PER2: variants seen among roughly 807,000 people sequenced by gnomAD.
PER2 encodes period circadian regulator 2.
In PER2, 66 loss-of-function variants were observed where a neutral mutation model predicts 121.0. The ratio of observed to expected loss-of-function variants is 0.55; its 90% CI spans 0.45 to 0.67. The LOEUF (loss-of-function observed/expected upper bound fraction) is 0.67. PER2 is among the 30% of genes least tolerant of loss of function. The probability of loss-of-function intolerance (pLI) is 0.00; values close to 1 mark genes in which losing one functional copy is unlikely to be tolerated. For synonymous variants in PER2, 684 were observed against 659.9 expected (o/e 1.04, Z -0.56); for missense variants, 1,521 against 1,635.0 (o/e 0.93, Z 1.20).
intron 9 of PER2, among the ~76,000 whole-genome samples, chr2:238,264,150 C>T (rs956022800): frequency 3.9e-5 from 6 of 152,174 alleles, no homozygotes; most frequent in African/African-American, 1.4e-4. Flanking sequence ...AACCTGTCTG[C>T]CAACCTCCCT....
intron 3 of PER2, among the ~76,000 whole-genome samples, chr2:238,276,173 C>T (rs990655558): frequency 2.0e-5 from 3 of 151,642 alleles, no homozygotes; most frequent in African/African-American, 2.4e-5. Flanking sequence ...TTCTCAGCCT[C>T]GGCTCTAGAG....
At chr2:238,293,849 A>G (rs772448579), upstream of PER2, among the ~76,000 whole-genome samples, 1 of 152,080 alleles carries the variant, frequency 6.6e-6, no homozygotes, top group African/African-American at 2.4e-5. Context: ...GTGATGCTGT[A>G]TGGCGCTCCT....
Position 238,282,333 on chromosome 2 carries a change from G to A in PER2, c.-19-4378C>T, listed in dbSNP as rs184255856. ...GCTCCTTCTCTGTGCCTCCACCGCC[G>A]CTCTGTGGGCTTTCCTCGCCAGCAC... On this transcript the variant is annotated intron_variant, in intron 1 of 22. Coordinates refer to ENST00000254657, the MANE Select transcript of PER2 (RefSeq NM_022817.3). 2.9e-3 allele frequency among the ~76,000 whole-genome samples: 440 copies of A among 152,286 alleles called. 3 individuals are homozygous for A. The highest frequency in any genetic ancestry group is 2.7e-3 in the Non-Finnish European group (186 of 68,016).
intron 22 of PER2, chr2:238,247,168 C>T (rs1372624540): frequency 6.6e-6 from 1 of 152,368 alleles, no homozygotes; most frequent in Non-Finnish European, 1.5e-5. Flanking sequence ...TCTCCTTAAA[C>T]CTTGGCTGGA....
chr2:238,284,291 A>T (rs764821250), intron 1 of PER2, among the ~76,000 whole-genome samples: 11 of 151,910 alleles, frequency 7.2e-5, no homozygotes, highest in Non-Finnish European at 1.2e-4. Context: ...AAAATACAAA[A>T]ATTAGCCAGG....
chr2:238,262,832 C>T (rs1453724370), intron 10 of PER2, 120 bp downstream of exon 10: 2 of 743,462 alleles, frequency 2.7e-6, no homozygotes, highest in Non-Finnish European at 4.8e-6. Context: ...CGGGCGTCTA[C>T]CACCTGCTTG....
chr2:238,282,464 T>A (rs1274493432), intron 1 of PER2, among the ~76,000 whole-genome samples: 3 of 152,240 alleles, frequency 2.0e-5, no homozygotes, highest in African/African-American at 4.8e-5. Flanking sequence ...TGGCACGTAC[T>A]GTTGAAGACA....
At chr2:238,282,738 G>A (rs999099447) in intron 1 of PER2, among the ~76,000 whole-genome samples, 34 of 152,160 alleles carry the variant, frequency 2.2e-4, no homozygotes, top group African/African-American at 8.2e-4. Flanking sequence ...TGCCCTCAGG[G>A]AGCTTACATT....
In PER2 at chr2:238,250,955, T is replaced by C. The variant is rs558455618; in HGVS notation, c.3275-212A>G. On this transcript the variant is annotated intron_variant, in intron 20 of 22. Coordinates refer to ENST00000254657, the MANE Select transcript of PER2 (RefSeq NM_022817.3). ...ATCTCTGCTAGTGCCATGCAGGCGA[T>C]TCTTTCCTGTGAAGCCCTGAGCAGC... Among the ~76,000 whole-genome samples the C allele has an allele frequency of 5.1e-4, 77 of 152,326 alleles. No individual in the cohort carries two copies. In the South Asian group the frequency reaches 0.016, roughly 31 times the overall value.
chr2:238,299,102 A>T, the PER2 span: 2 of 151,496 alleles, frequency 1.3e-5, no homozygotes, highest in African/African-American at 4.9e-5. Flanking sequence ...GAAAATTAAA[A>T]ATTAGCCATC....
chr2:238,287,497 T>G (rs1347558603), intron 1 of PER2, among the ~76,000 whole-genome samples: 2 of 152,178 alleles, frequency 1.3e-5, no homozygotes, highest in Non-Finnish European at 2.9e-5. Flanking sequence ...TGTGGGGCTT[T>G]AGCCACCGTG....
At chr2:238,283,778 G>A (rs757639629) in intron 1 of PER2, among the ~76,000 whole-genome samples, 21 of 152,158 alleles carry the variant, frequency 1.4e-4, no homozygotes, top group Non-Finnish European at 2.4e-4. Flanking sequence ...CCAAGGGGCC[G>A]CCCAGGGTAC....
In PER2 at chr2:238,281,298, G is replaced by A. The variant is rs1197106285; in HGVS notation, c.-19-3343C>T. The stretch of plus-strand genomic sequence containing the variant: ...ATTACAGGCGTGAGCCACCAGGCCC[G>A]GCCGTCTACATATATTAATAGCTTT... On this transcript the variant is annotated intron_variant, in intron 1 of 22. Transcript: ENST00000254657. 3.9e-5 allele frequency among the ~76,000 whole-genome samples: 6 copies of A among 152,220 alleles called. No homozygotes were observed. The East Asian group carries it at 7.7e-4, about 20-fold the overall frequency.
At chr2:238,276,818 G>A (rs1207453174) in intron 3 of PER2, among the ~76,000 whole-genome samples, 2 of 152,192 alleles carry the variant, frequency 1.3e-5, no homozygotes, top group Admixed American at 6.5e-5. Context: ...CATAGGGTAA[G>A]TTTGTTACAA....
chr2:238,260,810 G>C lies in PER2; in HGVS notation c.1542+18C>G. The C allele has an allele frequency of 1.9e-6, 3 of 1,613,884 alleles. No homozygotes were observed. Among genetic ancestry groups the C allele is most frequent in the Non-Finnish European group, 2.5e-6 (3 of 1,179,864 alleles). On this transcript the variant is annotated intron_variant, in intron 13 of 22. Coordinates refer to ENST00000254657, the MANE Select transcript of PER2 (RefSeq NM_022817.3). The stretch of plus-strand genomic sequence containing the variant: ...ATCCACAAACTCATTTTCTCAGGGA[G>C]AATGGAAGGAGACGTACGGCTCTCC...
chr2:238,259,536 G>A (rs896029399), intron 14 of PER2, among the ~76,000 whole-genome samples: 4 of 152,222 alleles, frequency 2.6e-5, no homozygotes, highest in African/African-American at 4.8e-5. Flanking sequence ...GTGGATGCTG[G>A]GCAAACCGTC....
At chr2:238,256,821 G>A in intron 17 of PER2, 101 bp downstream of exon 17, 1 of 1,210,850 alleles carries the variant, frequency 8.3e-7, no homozygotes, top group Non-Finnish European at 1.2e-6. Flanking sequence ...ATCGGGCTAT[G>A]GTGGAGTTCT....
At chr2:238,274,162 CATCT>C (rs1281711106) in intron 4 of PER2, among the ~76,000 whole-genome samples, 4 of 152,214 alleles carry the variant, frequency 2.6e-5, no homozygotes, top group East Asian at 3.8e-4. Context: ...AGGGCCACTC[CATCT>C]GAGTTCCCAC....
intron 1 of PER2, among the ~76,000 whole-genome samples, chr2:238,278,642 A>G (rs1247016992): frequency 6.6e-6 from 1 of 151,918 alleles, no homozygotes. Context: ...GGGGTGGGGG[A>G]GCCGGGTTCA....
Sources: allele counts gnomAD v4.1 joint callset (sites outside exome capture counted in the v4.1 genomes callset), GRCh38; gene constraint gnomAD v4.1.1; transcripts MANE v1.5; gene names NCBI Gene and HGNC (gene_info 2026-07-23, HGNC 2026-07-21).